The following GNB1L variants were observed in gnomAD, a reference collection of about 807,000 sequenced individuals.
GNB1L encodes the protein G protein subunit beta 1 like, also known as guanine nucleotide-binding protein subunit beta-like protein 1.
Under a neutral mutation model 29.1 loss-of-function variants are expected in GNB1L, and 20 were observed. That is an observed-to-expected ratio of 0.69 (90% confidence interval 0.48 to 1.00). The LOEUF is 1.00. Among genes scored for constraint, GNB1L ranks in the 50% least tolerant of loss-of-function variants. The pLI, the probability that GNB1L is intolerant of heterozygous loss-of-function variation, is 0.00. For missense variants in GNB1L, 421 were observed against 464.9 expected (o/e 0.91, Z 0.87); for synonymous variants, 193 against 206.5 (o/e 0.93, Z 0.56).
At chr22:19,796,441 AT>A (rs1937307086) in intron 7 of GNB1L, among the ~76,000 whole-genome samples, 2 of 152,224 alleles carry the variant, frequency 1.3e-5, no homozygotes, top group Admixed American at 1.3e-4. Context: ...TGCAATGCTT[AT>A]GAAAACTGGA....
intron 2 of GNB1L, among the ~76,000 whole-genome samples, chr22:19,853,799 G>A (rs1938169638): frequency 6.6e-6 from 1 of 152,116 alleles, no homozygotes; most frequent in Non-Finnish European, 1.5e-5. Flanking sequence ...AGGCCTGGAC[G>A]TGAGTCGAGT....
chr22:19,850,645 T>C (rs934459745), intron 2 of GNB1L: 15 of 1,225,804 alleles, frequency 1.2e-5, no homozygotes, highest in African/African-American at 1.6e-5. Flanking sequence ...AGTGGCCACT[T>C]CCTCCAGGCA....
At chr22:19,811,870 C>T (rs973673579) in intron 5 of GNB1L, among the ~76,000 whole-genome samples, 7 of 152,060 alleles carry the variant, frequency 4.6e-5, no homozygotes, top group Non-Finnish European at 7.4e-5. Flanking sequence ...TCTCTCCCAC[C>T]GCCTCCTGCC....
intron 5 of GNB1L, among the ~76,000 whole-genome samples, chr22:19,810,690 C>T (rs906245464): frequency 1.7e-4 from 26 of 152,180 alleles, no homozygotes; most frequent in Non-Finnish European, 2.1e-4. Context: ...AGTGTGGCCA[C>T]CCAGCCGGCC....
intron 2 of GNB1L, among the ~76,000 whole-genome samples, chr22:19,825,022 G>A (rs796412953): frequency 2.6e-4 from 40 of 152,302 alleles, no homozygotes; most frequent in African/African-American, 9.6e-4. Flanking sequence ...GAGCCAACGT[G>A]GGGAGCCACC....
At chr22:19,792,390 G>A in intron 7 of GNB1L, 2 of 1,461,688 alleles carry the variant, frequency 1.4e-6, no homozygotes, top group Non-Finnish European at 9.5e-7. Context: ...TCCCCTGTTT[G>A]AGAAAAGGCC....
rs76612902 is a variant in GNB1L, at chr22:19,850,492, C to T, written c.-21+3951G>A. The T allele has an allele frequency of 3.9e-3, 3,975 of 1,030,580 alleles. 16 individuals are homozygous for T. Among genetic ancestry groups the T allele is most frequent in the Non-Finnish European group, 4.4e-3 (3,773 of 859,866 alleles). 63.8% of individuals were successfully genotyped at this position (1,030,580 alleles called of 1,614,324 possible). A position where few individuals can be genotyped will look rare whatever the true frequency, so the allele number is the denominator to read the frequency against. On this transcript the variant is annotated intron_variant, in intron 2 of 7. Transcript: ENST00000329517. Reference sequence around the variant, plus strand: ...AGCTACAGTGTTAACACACAAAGGGCGAATGCCTGCAGCTGAGCCTGGCAA... The same window carrying T: ...AGCTACAGTGTTAACACACAAAGGGTGAATGCCTGCAGCTGAGCCTGGCAA...
chr22:19,821,330 G>A lies in GNB1L; in HGVS notation c.26C>T (p.Pro9Leu). MTAPCPPP[P>L]PDPQFVLRGT... is the part of the protein sequence containing the mutation. The stretch of plus-strand genomic sequence containing the variant: ...TCGGAGGACAAACTGGGGGTCTGGA[G>A]GTGGCGGCGGGCAGGGGGCCGTCAT... The change falls in exon 3 of 8, where the codon CCT becomes CTT. Residue 9 changes from proline to leucine, a missense_variant. Physicochemically the swap from Pro to Leu is moderately conservative, Grantham distance 98 (BLOSUM62 -3). Coordinates refer to ENST00000329517, the MANE Select transcript of GNB1L (RefSeq NM_053004.3). 1 of 1,613,002 alleles carries A rather than the reference G, an allele frequency of 6.2e-7. No homozygotes were observed. Among genetic ancestry groups the A allele is most frequent in the Non-Finnish European group, 8.5e-7 (1 of 1,179,730 alleles).
chr22:19,816,057 C>T lies in GNB1L; in HGVS notation c.255-3610G>A, dbSNP rs149153661. ...CCGCATCCTGACCAAGGGTGAGCCC[C>T]GACAGCCCACAGCCATCCTGGGGCG... On this transcript the variant is annotated intron_variant, in intron 4 of 7. Transcript: ENST00000329517. The surrounding 1 kb of genome is among the most constrained non-coding windows in gnomAD (Gnocchi z 4.4). 1.3e-3 allele frequency among the ~76,000 whole-genome samples: 191 copies of T among 152,296 alleles called. 1 individual carries two copies. Among genetic ancestry groups the T allele is most frequent in the African/African-American group, 4.4e-3 (183 of 41,554 alleles).
At chr22:19,804,595 A>G (rs567934881) in intron 6 of GNB1L, among the ~76,000 whole-genome samples, 1 of 152,078 alleles carries the variant, frequency 6.6e-6, no homozygotes, top group South Asian at 2.1e-4. Flanking sequence ...TTGCCCCCCA[A>G]AAAAAGAAAA....
intron 2 of GNB1L, among the ~76,000 whole-genome samples, chr22:19,841,217 G>T (rs887652486): frequency 6.6e-6 from 1 of 152,168 alleles, no homozygotes; most frequent in Admixed American, 6.5e-5. Flanking sequence ...AAATGCGTCC[G>T]TGCACAAGGT....
intron 5 of GNB1L, among the ~76,000 whole-genome samples, chr22:19,810,117 G>A (rs1937481660): frequency 6.6e-6 from 1 of 152,208 alleles, no homozygotes; most frequent in South Asian, 2.1e-4. Flanking sequence ...AGGAAGATGG[G>A]CTAGTTCCAG....
chr22:19,788,753 T>G lies in GNB1L; in HGVS notation c.940A>C (p.Lys314Gln), dbSNP rs1350307232. ...GACCAGAGGCTGATCCGCTGATCCT[T>G]GGAGCCCGCGGCCAGCAAGCCATCG... ...TADGLLAAGS[K>Q]DQRISLWSLY... Residue 314 changes from lysine to glutamine, a missense_variant, in exon 8 of 8, where the codon AAG (lysine) becomes CAG (glutamine). Lys to Gln is a moderately conservative substitution (Grantham distance 53). Coordinates refer to ENST00000329517, the MANE Select transcript of GNB1L (RefSeq NM_053004.3). 16 of 1,611,846 alleles carry G rather than the reference T, an allele frequency of 9.9e-6. No individual in the cohort carries two copies. The highest frequency in any genetic ancestry group is 1.7e-5 in the Admixed American group (1 of 60,004).
intron 7 of GNB1L, among the ~76,000 whole-genome samples, chr22:19,797,921 T>C (rs1456997552): frequency 6.6e-6 from 1 of 152,024 alleles, no homozygotes; most frequent in Non-Finnish European, 1.5e-5. Flanking sequence ...GCCTGTCCTC[T>C]ACCTCTCTTG....
chr22:19,843,154 T>A (rs1937890530), intron 2 of GNB1L, among the ~76,000 whole-genome samples: 1 of 152,022 alleles, frequency 6.6e-6, no homozygotes, highest in African/African-American at 2.4e-5. Context: ...GGGATAAAGG[T>A]AGTTTGTTTC....
At chr22:19,810,139 G>A (rs9617838) in intron 5 of GNB1L, among the ~76,000 whole-genome samples, 3,782 of 152,310 alleles carry the variant, frequency 0.025, 162 homozygotes, top group African/African-American at 0.087. Flanking sequence ...AGTTAATGGG[G>A]TGGGGAGGTA....
chr22:19,832,730 G>A (rs1280601735), intron 2 of GNB1L, among the ~76,000 whole-genome samples: 1 of 152,162 alleles, frequency 6.6e-6, no homozygotes, highest in Non-Finnish European at 1.5e-5. Context: ...CAAGGAAAGG[G>A]AACCCTGCAA....
chr22:19,825,902 G>A (rs1937616480), intron 2 of GNB1L, among the ~76,000 whole-genome samples: 1 of 152,148 alleles, frequency 6.6e-6, no homozygotes, highest in African/African-American at 2.4e-5. Context: ...AGGCTACAGT[G>A]AGCCACAATC....
chr22:19,799,442 C>T (rs1937343104), intron 7 of GNB1L, among the ~76,000 whole-genome samples: 1 of 152,254 alleles, frequency 6.6e-6, no homozygotes, highest in Admixed American at 6.5e-5. Flanking sequence ...GGCCCCTGGC[C>T]AAGCCCCAGC....
Sources: allele counts gnomAD v4.1 joint callset (sites outside exome capture counted in the v4.1 genomes callset), GRCh38; gene constraint gnomAD v4.1.1; non-coding constraint Gnocchi (gnomAD v3.1); transcripts MANE v1.5; gene names NCBI Gene and HGNC (gene_info 2026-07-23, HGNC 2026-07-21).